ENTREP2: variants seen among roughly 807,000 people sequenced by gnomAD.
ENTREP2 encodes endosomal transmembrane epsin interactor 2.
chr15:29,478,019 A>ATTTTTTTTTTTTTTTT, the ENTREP2 span, among the ~76,000 whole-genome samples: 1 of 54,286 alleles, frequency 1.8e-5, no homozygotes, highest in Non-Finnish European at 3.0e-5. Flanking sequence ...ATATATATAT[A>ATTTTTTTTTTTTTTTT]TTTTTTTTTT....
At chr15:29,277,914 G>A in the ENTREP2 span, among the ~76,000 whole-genome samples, 4,845 of 152,138 alleles carry the variant, frequency 0.032, 258 homozygotes, top group African/African-American at 0.11. Context: ...GGGACAATGC[G>A]AATAGGTTAT....
the ENTREP2 span, among the ~76,000 whole-genome samples, chr15:29,217,511 C>T: frequency 9.2e-5 from 14 of 152,256 alleles, no homozygotes; most frequent in South Asian, 2.9e-3. Context: ...TGTCTTCAAG[C>T]TCTGAATTTC....
chr15:29,371,177 T>TCCGGATGGC, the ENTREP2 span, among the ~76,000 whole-genome samples: 1 of 152,024 alleles, frequency 6.6e-6, no homozygotes, highest in East Asian at 1.9e-4. Flanking sequence ...TAAGCTCAGC[T>TCCGGATGGC]CTTCCCTCTT....
At chr15:29,156,498 G>C in the ENTREP2 span, among the ~76,000 whole-genome samples, 1 of 151,350 alleles carries the variant, frequency 6.6e-6, no homozygotes, top group Admixed American at 6.6e-5. Flanking sequence ...CATGCAACCT[G>C]TTTTGAGAAT....
the ENTREP2 span, among the ~76,000 whole-genome samples, chr15:29,213,451 T>A: frequency 1.3e-5 from 2 of 152,128 alleles, no homozygotes; most frequent in Admixed American, 1.3e-4. Context: ...TTTGTTTGTA[T>A]CTCTTTTATT....
the ENTREP2 span, among the ~76,000 whole-genome samples, chr15:29,225,964 C>A: frequency 2.0e-5 from 3 of 152,046 alleles, no homozygotes; most frequent in Non-Finnish European, 4.4e-5. Flanking sequence ...CTCCCCGTGT[C>A]TTTCCTTGGA....
the ENTREP2 span, chr15:29,381,843 A>C: frequency 7.6e-5 from 118 of 1,551,462 alleles, no homozygotes; most frequent in Non-Finnish European, 9.9e-5. Flanking sequence ...TGGAAGGACA[A>C]AAGATACAGG....
At chr15:29,174,707 C>CAAAAAAAAAAAAAAA in the ENTREP2 span, among the ~76,000 whole-genome samples, 1 of 138,362 alleles carries the variant, frequency 7.2e-6, no homozygotes, top group African/African-American at 3.1e-5. Context: ...CAAAACAAAA[C>CAAAAAAAAAAAAAAA]AACAAAAAAA....
chr15:29,438,855 G>T, the ENTREP2 span, among the ~76,000 whole-genome samples: 1 of 152,148 alleles, frequency 6.6e-6, no homozygotes, highest in South Asian at 2.1e-4. Flanking sequence ...AGGTCAAACA[G>T]GTTAAACAGA....
the ENTREP2 span, among the ~76,000 whole-genome samples, chr15:29,464,899 C>T: frequency 6.6e-6 from 1 of 152,170 alleles, no homozygotes; most frequent in African/African-American, 2.4e-5. Context: ...AAGATGAGAT[C>T]ATCTCAACAG....
chr15:29,393,739 TA>T, the ENTREP2 span, among the ~76,000 whole-genome samples: 6 of 79,158 alleles, frequency 7.6e-5, no homozygotes, highest in East Asian at 7.2e-4. Flanking sequence ...AGGCTACTTT[TA>T]TTTTTTTTTA....
chr15:29,361,780 G>C, the ENTREP2 span, among the ~76,000 whole-genome samples: 1 of 152,178 alleles, frequency 6.6e-6, no homozygotes, highest in Admixed American at 6.5e-5. Context: ...GCAGGTTACA[G>C]AATCAGCCCA....
chr15:29,615,770 C>T, the ENTREP2 span, among the ~76,000 whole-genome samples: 2 of 152,066 alleles, frequency 1.3e-5, no homozygotes, highest in East Asian at 1.9e-4. Flanking sequence ...CTGCTTTTTC[C>T]TCATAATGAA....
chr15:29,503,171 T>C, the ENTREP2 span, among the ~76,000 whole-genome samples: 2 of 152,134 alleles, frequency 1.3e-5, no homozygotes, highest in Admixed American at 6.5e-5. Context: ...GCAATCATAA[T>C]AGTCTAAAAG....
At chr15:29,318,572 G>A in the ENTREP2 span, among the ~76,000 whole-genome samples, 3 of 152,154 alleles carry the variant, frequency 2.0e-5, no homozygotes, top group Non-Finnish European at 4.4e-5. Flanking sequence ...CGCCCACCTC[G>A]GCCTCCCAAA....
chr15:29,387,512 A>T, the ENTREP2 span, among the ~76,000 whole-genome samples: 2 of 152,250 alleles, frequency 1.3e-5, no homozygotes, highest in African/African-American at 4.8e-5. Flanking sequence ...CATGGATAGG[A>T]AGAATCAATA....
chr15:29,268,634 T>A, the ENTREP2 span: 1 of 617,842 alleles, frequency 1.6e-6, no homozygotes, highest in Non-Finnish European at 2.6e-6. Context: ...TAACACAACA[T>A]TAAAAAAACA....
the ENTREP2 span, among the ~76,000 whole-genome samples, chr15:29,321,984 A>T: frequency 2.6e-5 from 4 of 152,206 alleles, no homozygotes; most frequent in East Asian, 1.9e-4. Context: ...ACTAAAAATT[A>T]AAATTTAAAT....
chr15:29,462,008 G>A, the ENTREP2 span, among the ~76,000 whole-genome samples: 82,672 of 151,858 alleles, frequency 0.54, 23,109 homozygotes, highest in Non-Finnish European at 0.6. Flanking sequence ...ACAGTTATTC[G>A]TCCTTTTGTG....
Sources: gnomAD v4.1 joint callset for allele counts (sites outside exome capture counted in the v4.1 genomes callset) on GRCh38, gnomAD v4.1.1 for gene constraint, MANE v1.5 for transcripts, NCBI Gene and HGNC (gene_info 2026-07-23, HGNC 2026-07-21) for gene names.